PIEZO1: variants seen among roughly 807,000 people sequenced by gnomAD.
The protein encoded by PIEZO1 is piezo-type mechanosensitive ion channel component 1.
Under a neutral mutation model 297.2 loss-of-function variants are expected in PIEZO1, and 296 were observed. The observed-to-expected ratio is 1.00, with a 90% CI of 0.91 to 1.10. PIEZO1 has a LOEUF of 1.10. Ranked by LOEUF, PIEZO1 falls within the 50% of genes least tolerant of loss-of-function variation. The pLI, the probability that PIEZO1 is intolerant of heterozygous loss-of-function variation, is 0.00. For synonymous variants in PIEZO1, 2,427 were observed against 1,507.5 expected, an observed-to-expected ratio of 1.61 and a Z score of -14.13; for missense variants, 5,018 against 3,455.5, an observed-to-expected ratio of 1.45 and a Z score of -11.34.
rs1908115238 is a variant in PIEZO1 at position 88,784,958 on chromosome 16, G to A, written c.7C>T (p.Pro3Ser). 2 of 1,371,244 alleles carry A rather than the reference G, an allele frequency of 1.5e-6. No homozygotes were observed. The highest frequency in any genetic ancestry group is 1.9e-6 in the Non-Finnish European group (2 of 1,053,096). 84.9% of individuals were successfully genotyped at this position (1,371,244 alleles called of 1,614,324 possible). A position where few individuals can be genotyped will look rare whatever the true frequency, so the allele number is the denominator to read the frequency against. Residue 3 changes from proline (P) to serine (S), a missense_variant, in exon 1 of 51, where the codon CCG becomes TCG. Physicochemically the swap from Pro to Ser is moderately conservative, Grantham distance 74. Coordinates refer to ENST00000301015, the MANE Select transcript of PIEZO1 (RefSeq NM_001142864.4). ME[P>S]HVLGAVLYWL... Reference sequence around the variant, plus strand: ...TACAGGACCGCGCCGAGCACGTGCGGCTCCATGGCTGGAGGGCCCAGGGCC... The same window carrying A: ...TACAGGACCGCGCCGAGCACGTGCGACTCCATGGCTGGAGGGCCCAGGGCC...
intron 1 of PIEZO1, among the ~76,000 whole-genome samples, chr16:88,757,518 G>C (rs1013098945): frequency 4.9e-5 from 6 of 121,978 alleles, no homozygotes; most frequent in Admixed American, 1.7e-4. Context: ...GCCAAGACGG[G>C]GGAAAGAGCT....
chr16:88,730,369 G>GGAGGCA (rs1325442598), intron 22 of PIEZO1, among the ~76,000 whole-genome samples: 2 of 151,870 alleles, frequency 1.3e-5, no homozygotes, highest in East Asian at 1.9e-4. Context: ...TTTGGGAGGC[G>GGAGGCA]GGTGGATCAC....
chr16:88,741,419 G>A (rs549470894), intron 5 of PIEZO1, 59 bp downstream of exon 5: 1 of 1,397,894 alleles, frequency 7.2e-7, no homozygotes, highest in East Asian at 2.5e-5. Flanking sequence ...CCTCAAAATG[G>A]CTGAGACCAC....
chr16:88,715,899 G>C (rs74033362), intron 50 of PIEZO1, 34 bp downstream of exon 50: 1 of 1,536,186 alleles, frequency 6.5e-7, no homozygotes, highest in African/African-American at 1.4e-5. Context: ...GGAGCCCCCC[G>C]AGCTGCGGGG....
intron 1 of PIEZO1, among the ~76,000 whole-genome samples, chr16:88,757,383 C>G (rs983669714): frequency 1.4e-5 from 2 of 148,000 alleles, no homozygotes; most frequent in African/African-American, 5.0e-5. Context: ...GCTCCAATGA[C>G]AGTGCCTGAG....
At chr16:88,751,765 A>T (rs1044844537) in intron 1 of PIEZO1, among the ~76,000 whole-genome samples, 1 of 151,494 alleles carries the variant, frequency 6.6e-6, no homozygotes, top group African/African-American at 2.4e-5. Context: ...AGTTCTCCAC[A>T]GCTGCACTTT....
intron 1 of PIEZO1, among the ~76,000 whole-genome samples, chr16:88,779,807 G>A (rs1025235986): frequency 3.3e-5 from 5 of 152,170 alleles, no homozygotes; most frequent in Non-Finnish European, 7.4e-5. Flanking sequence ...ATGGAGGCCC[G>A]ACGGACCCCC....
intron 45 of PIEZO1, 55 bp from the exon 46 acceptor site, chr16:88,716,953 G>A (rs1017549746): frequency 1.3e-6 from 2 of 1,546,070 alleles, no homozygotes; most frequent in South Asian, 2.4e-5. Flanking sequence ...GGAGCGGCTG[G>A]GGGTGGTGCA....
chr16:88,753,444 A>G (rs1906501687), intron 1 of PIEZO1, among the ~76,000 whole-genome samples: 1 of 151,720 alleles, frequency 6.6e-6, no homozygotes, highest in Non-Finnish European at 1.5e-5. Context: ...AAGCAGGGGC[A>G]GCCTCACGGG....
intron 1 of PIEZO1, among the ~76,000 whole-genome samples, chr16:88,754,341 C>T (rs967771025): frequency 1.2e-4 from 18 of 152,302 alleles, no homozygotes; most frequent in Middle Eastern, 3.4e-3. Flanking sequence ...CAGGACCACA[C>T]ACCACTCAAC....
At chr16:88,752,239 T>C (rs578203433) in intron 1 of PIEZO1, among the ~76,000 whole-genome samples, 1 of 152,206 alleles carries the variant, frequency 6.6e-6, no homozygotes, top group South Asian at 2.1e-4. Context: ...TCCCAGCACT[T>C]TGGGAGGCCA....
At position 88,782,565 on chromosome 16, in the gene PIEZO1, G is replaced by A. The variant is rs1027938845; in HGVS notation, c.64+2336C>T. Among the ~76,000 whole-genome samples, 4 of 152,330 alleles carry A rather than the reference G, an allele frequency of 2.6e-5. No homozygotes were observed. In the South Asian group the frequency reaches 6.2e-4, roughly 24 times the overall value. The stretch of plus-strand genomic sequence containing the variant: ...TGATCCTGCACTGGAGAGGGAGGGC[G>A]TGGGGGCCAGGGGCACCCCAGGATG... On this transcript the variant is annotated intron_variant, in intron 1 of 50. Coordinates refer to ENST00000301015, the MANE Select transcript of PIEZO1 (RefSeq NM_001142864.4).
At chr16:88,715,902 C>T in intron 50 of PIEZO1, 31 bp downstream of exon 50, 2 of 1,534,694 alleles carry the variant, frequency 1.3e-6, no homozygotes, top group African/African-American at 1.4e-5. Context: ...GCCCCCCGAG[C>T]TGCGGGGTGC....
chr16:88,752,604 G>A (rs544674524), intron 1 of PIEZO1, among the ~76,000 whole-genome samples: 1 of 152,220 alleles, frequency 6.6e-6, no homozygotes, highest in Admixed American at 6.5e-5. Context: ...AGATGAGGCG[G>A]GTGCAGGGGC....
chr16:88,724,847 G>A (rs548600956), intron 30 of PIEZO1, among the ~76,000 whole-genome samples, 162 bp downstream of exon 30: 3 of 152,318 alleles, frequency 2.0e-5, no homozygotes, highest in Non-Finnish European at 2.9e-5. Flanking sequence ...CCAGGGGTCT[G>A]CAGCCAGTGA....
chr16:88,718,352 A>G (rs1912197605), intron 44 of PIEZO1: 1 of 152,888 alleles, frequency 6.5e-6, no homozygotes, highest in African/African-American at 2.4e-5. Flanking sequence ...AACCACCACC[A>G]GCACTTCCGG....
intron 22 of PIEZO1, among the ~76,000 whole-genome samples, chr16:88,730,557 C>T (rs1200992129): frequency 7.1e-6 from 1 of 141,482 alleles, no homozygotes; most frequent in African/African-American, 2.6e-5. Context: ...GAGATTGTGC[C>T]AGTGTACTCC....
intron 1 of PIEZO1, among the ~76,000 whole-genome samples, chr16:88,752,215 G>C (rs1461948545): frequency 1.3e-5 from 2 of 152,264 alleles, no homozygotes; most frequent in African/African-American, 2.4e-5. Flanking sequence ...GGGTGTGGTG[G>C]CTGAGGCCTG....
intron 23 of PIEZO1, 150 bp downstream of exon 23, chr16:88,727,407 C>A: frequency 1.5e-6 from 1 of 648,636 alleles, no homozygotes; most frequent in Non-Finnish European, 2.6e-6. Flanking sequence ...GGTCTGCGTG[C>A]GTGCGTGCGA....
Sources: allele counts gnomAD v4.1 joint callset (sites outside exome capture counted in the v4.1 genomes callset), GRCh38; gene constraint gnomAD v4.1.1; transcripts MANE v1.5; gene names NCBI Gene and HGNC (gene_info 2026-07-23, HGNC 2026-07-21).